Variants in IFT172 observed in about 807,000 individuals in gnomAD.
IFT172 encodes intraflagellar transport protein 172 homolog.
A neutral mutation model predicts 248.9 loss-of-function variants in IFT172; 164 were observed. The ratio of observed to expected loss-of-function variants is 0.66; its 90% CI spans 0.58 to 0.75. IFT172 has a LOEUF of 0.75. IFT172 is among the 30% of genes least tolerant of loss of function. IFT172 has a pLI of 0.00. For missense variants in IFT172, 1,950 were observed against 2,192.4 expected (o/e 0.89, Z 2.21); for synonymous variants, 729 against 791.6 (o/e 0.92, Z 1.33).
Position 27,477,263 on chromosome 2 carries a change from T to C in IFT172, c.1279A>G (p.Thr427Ala). Residue 427 changes from threonine to alanine, a missense_variant, in exon 13 of 48, where the codon ACC becomes GCC. By Grantham distance (58) the Thr-to-Ala change is moderately conservative. Around this residue, in one of 3 missense-constraint regions of IFT172, gnomAD observed 1,166 missense variants for 1,254.1 expected, o/e 0.93. Coordinates refer to ENST00000260570, the MANE Select transcript of IFT172 (RefSeq NM_015662.3). Reference sequence around the variant, plus strand: ...AATTCAGTGCGTACAGAACCCAGGGTGTCATTATTCCCATATTCCACCAGG... The same window carrying C: ...AATTCAGTGCGTACAGAACCCAGGGCGTCATTATTCCCATATTCCACCAGG... ...LTLVEYGNNDTLGSVRTEFMN... is the reference protein window; with the variant it reads ...LTLVEYGNNDALGSVRTEFMN... 1 of 1,613,940 alleles carries C rather than the reference T, an allele frequency of 6.2e-7. No homozygotes were observed. The highest frequency in any genetic ancestry group is 8.5e-7 in the Non-Finnish European group (1 of 1,179,962).
In IFT172 at chr2:27,445,172, G is replaced by C; in HGVS notation, c.5069-67C>G. On this transcript the variant is annotated intron_variant, in intron 46 of 47. Coordinates refer to ENST00000260570, the MANE Select transcript of IFT172 (RefSeq NM_015662.3). This position sits in a 1 kb window ranked among gnomAD's most constrained non-coding sequence, Gnocchi z 4.4. ...ATTGAGGAGGGAAAAATGAGGAGCA[G>C]CCTGGGGGGTAGAAAGCACAGTCCT... 1 of 1,601,270 alleles carries C rather than the reference G, an allele frequency of 6.2e-7. No individual in the cohort carries two copies. Among genetic ancestry groups the C allele is most frequent in the Non-Finnish European group, 8.5e-7 (1 of 1,171,826 alleles).
At chr2:27,464,779 G>A (rs1295382886) in intron 18 of IFT172, among the ~76,000 whole-genome samples, 1 of 151,994 alleles carries the variant, frequency 6.6e-6, no homozygotes, top group Non-Finnish European at 1.5e-5. Flanking sequence ...CACCATGCCC[G>A]GCTAATTTTT....
At chr2:27,478,249 CA>C in intron 10 of IFT172, 93 bp from the exon 11 acceptor site, 1 of 1,445,194 alleles carries the variant, frequency 6.9e-7, no homozygotes, top group Non-Finnish European at 9.5e-7. Flanking sequence ...CAGCACTAAA[CA>C]AAGCTAATAC....
chr2:27,449,606 C>T (rs1235952523), intron 37 of IFT172, 44 bp from the exon 38 acceptor site: 21 of 1,613,438 alleles, frequency 1.3e-5, no homozygotes, highest in Non-Finnish European at 1.6e-5. Context: ...TTCCAGAATA[C>T]CAACCCTCCC....
At chr2:27,467,634 AAAG>A (rs1667205668) in intron 16 of IFT172, among the ~76,000 whole-genome samples, 1 of 149,976 alleles carries the variant, frequency 6.7e-6, no homozygotes, top group Non-Finnish European at 1.5e-5. Context: ...AAAAAAAAAA[AAAG>A]GAAATTATCC....
chr2:27,480,643 T>C (rs1448828576), intron 8 of IFT172, among the ~76,000 whole-genome samples: 5 of 152,194 alleles, frequency 3.3e-5, no homozygotes, highest in Non-Finnish European at 7.3e-5. Flanking sequence ...ATATAGCATA[T>C]AGATGCTAAT....
intron 18 of IFT172, chr2:27,465,201 T>C: frequency 1.8e-6 from 1 of 568,134 alleles, no homozygotes; most frequent in Non-Finnish European, 3.2e-6. Context: ...ATTACAGGCA[T>C]CAGCCATCAC....
chr2:27,455,836 G>T, intron 30 of IFT172: 1 of 458,670 alleles, frequency 2.2e-6, no homozygotes, highest in South Asian at 1.7e-5. Context: ...ACATATAGGA[G>T]GGAAAATCCT....
Position 27,457,637 on chromosome 2 carries a change from A to G in IFT172, c.3228+2T>C. The G allele has an allele frequency of 6.2e-7, 1 of 1,612,656 alleles. No homozygotes were observed. The highest frequency in any genetic ancestry group is 8.5e-7 in the Non-Finnish European group (1 of 1,178,824). ...TCCCTCAGTGTGGCCTGAACTCCTT[A>G]CCCTGTAGGCCTCTTCCCAAAGCCC... On this transcript the variant is annotated splice_donor_variant, in intron 29 of 47. Transcript: ENST00000260570. LOFTEE classifies it high-confidence loss of function.
At chr2:27,463,066 A>C (rs747455144) in intron 19 of IFT172, 31 bp downstream of exon 19, 5 of 1,605,686 alleles carry the variant, frequency 3.1e-6, no homozygotes, top group Non-Finnish European at 4.3e-6. Flanking sequence ...CTTGGGAGAC[A>C]GACAGAATGA....
chr2:27,463,314 G>T, intron 18 of IFT172, 133 bp from the exon 19 acceptor site: 1 of 719,010 alleles, frequency 1.4e-6, no homozygotes. Context: ...GACATATAGA[G>T]ACCAAGGAAG....
intron 16 of IFT172, among the ~76,000 whole-genome samples, chr2:27,469,227 T>C (rs954851175): frequency 5.9e-5 from 9 of 151,802 alleles, no homozygotes; most frequent in African/African-American, 2.2e-4. Context: ...AACCCGTCTC[T>C]ACTAAAAATA....
At position 27,465,580 on chromosome 2, in the gene IFT172, G is replaced by A. The variant is rs1667026150; in HGVS notation, c.1830-62C>T. 21 of 1,564,156 alleles carry A rather than the reference G, an allele frequency of 1.3e-5. No homozygotes were observed. In the South Asian group the frequency reaches 2.2e-4, roughly 17 times the overall value. ...AATGGGTTAGGAAGATACAGCAGAA[G>A]ACTGGTGATGGGGCAAGGGGAGGGG... On this transcript the variant is annotated intron_variant, in intron 17 of 47. Transcript: ENST00000260570.
intron 9 of IFT172, 151 bp downstream of exon 9, chr2:27,479,875 C>A (rs1164937408): frequency 3.5e-6 from 4 of 1,156,956 alleles, no homozygotes; most frequent in Non-Finnish European, 4.7e-6. Context: ...ATGAATTTCT[C>A]TTTCCTGCCT....
In IFT172 at chr2:27,484,232, G is replaced by C. The variant is rs781453446; in HGVS notation, c.331C>G (p.Gln111Glu). ...DKKVICNKFI[Q>E]TSAVTCLQWP... ...GGGACTGGTCTGAACTTTACCGTCT[G>C]GATGAACTTGTTGCAGATGACTTTC... The change falls in exon 4 of 48, where the codon CAG becomes GAG. Residue 111 changes from glutamine to glutamate, a missense_variant. Gln to Glu is a conservative substitution (Grantham distance 29). This residue lies in a region of IFT172 where 1,166 missense variants were observed against 1,254.1 expected (regional missense o/e 0.93). Coordinates refer to ENST00000260570, the MANE Select transcript of IFT172 (RefSeq NM_015662.3). 24 of 1,613,910 alleles carry C rather than the reference G, an allele frequency of 1.5e-5. No homozygotes were observed. The highest frequency in any genetic ancestry group is 1.7e-6 in the Non-Finnish European group (2 of 1,179,950).
rs960733091 is a variant in IFT172, at chr2:27,454,925, G to A, written c.3372-265C>T. Among the ~76,000 whole-genome samples the A allele has an allele frequency of 6.6e-6, 1 of 152,182 alleles. No homozygotes were observed. Among genetic ancestry groups the A allele is most frequent in the African/African-American group, 2.4e-5 (1 of 41,458 alleles). Reference sequence around the variant, plus strand: ...GAGGCCAGCTGCTCCTGAGGAATTAGTTTGGGCCTGCGAAGGGGAAGGGAG... The same window carrying A: ...GAGGCCAGCTGCTCCTGAGGAATTAATTTGGGCCTGCGAAGGGGAAGGGAG... On this transcript the variant is annotated intron_variant, in intron 30 of 47. Transcript: ENST00000260570. This position sits in a 1 kb window ranked among gnomAD's most constrained non-coding sequence, Gnocchi z 4.2.
chr2:27,470,960 C>T lies in IFT172; in HGVS notation c.1660G>A (p.Ala554Thr). ...GTGAACATGGTGACTCTCTCAGGTG[C>T]CTCAATGTTGTACCATACACACAGA... Reference protein sequence around the residue: ...NSLCVWYNIEAPERVTMFTIR... With the variant: ...NSLCVWYNIETPERVTMFTIR... The change falls in exon 16 of 48, where the codon GCA (alanine) becomes ACA (threonine). Residue 554 changes from alanine to threonine, a missense_variant. This residue lies in a region of IFT172 where 1,166 missense variants were observed against 1,254.1 expected (regional missense o/e 0.93). Transcript: ENST00000260570. 6.2e-7 allele frequency: 1 copy of T among 1,610,170 alleles called. No individual in the cohort carries two copies. Among genetic ancestry groups the T allele is most frequent in the Non-Finnish European group, 8.5e-7 (1 of 1,178,978 alleles).
chr2:27,461,118 T>C (rs866962094), intron 22 of IFT172, 25 bp from the exon 23 acceptor site: 14 of 1,613,994 alleles, frequency 8.7e-6, no homozygotes, highest in Non-Finnish European at 1.1e-5. Flanking sequence ...CACATTACTA[T>C]GATACCCCTA....
In IFT172 at chr2:27,447,504, C is replaced by T. The variant is rs1665251151; in HGVS notation, c.4659+11G>A. On this transcript the variant is annotated intron_variant, in intron 42 of 47. Transcript: ENST00000260570. ...TCTGACTGAGTGTTCCTTCGACCCCCTACATCTCACCAGCTGTTTGACACT... is the reference window on the plus strand; with the variant it reads ...TCTGACTGAGTGTTCCTTCGACCCCTTACATCTCACCAGCTGTTTGACACT... The T allele has an allele frequency of 6.2e-7, 1 of 1,613,714 alleles. No individual in the cohort carries two copies. Among genetic ancestry groups the T allele is most frequent in the Non-Finnish European group, 8.5e-7 (1 of 1,179,778 alleles).
Sources: gnomAD v4.1 joint callset for allele counts (sites outside exome capture counted in the v4.1 genomes callset) on GRCh38, gnomAD v4.1.1 for gene constraint, gnomAD v4.1.1 regional missense constraint, Gnocchi (gnomAD v3.1) non-coding constraint, MANE v1.5 for transcripts, NCBI Gene and HGNC (gene_info 2026-07-23, HGNC 2026-07-21) for gene names.